Variants in R3HDM2 observed in about 807,000 individuals in gnomAD.
The protein encoded by R3HDM2 is R3H domain containing 2, also known as R3H domain-containing protein 2.
R3HDM2 carries 38 observed loss-of-function variants against 124.5 expected under a neutral mutation model. The ratio of observed to expected loss-of-function variants is 0.31; its 90% CI spans 0.24 to 0.40. R3HDM2 has a LOEUF of 0.40. Among genes scored for constraint, R3HDM2 ranks in the 10% least tolerant of loss-of-function variants. The pLI, the probability that R3HDM2 is intolerant of heterozygous loss-of-function variation, is 1.00. For missense variants in R3HDM2, 869 were observed against 1,236.9 expected (o/e 0.70, Z 4.46); for synonymous variants, 391 against 448.0 (o/e 0.87, Z 1.61).
Position 57,296,453 on chromosome 12 carries a change from G to C in R3HDM2, c.659C>G (p.Thr220Ser), listed in dbSNP as rs1435979562. The C allele has an allele frequency of 6.4e-7, 1 of 1,552,248 alleles. No individual in the cohort carries two copies. ...YFGMDHNVDQ[T>S]GKAVIINKTS... ...TTTGTTGATGATGACAGCTTTCCCA[G>C]TTTGATCAACATTGTGGTCCATCCC... The change falls in exon 9 of 24, where the codon ACT (threonine) becomes AGT (serine). Residue 220 changes from threonine (T) to serine (S), a missense_variant. Coordinates refer to ENST00000402412, the MANE Select transcript of R3HDM2 (RefSeq NM_001394031.1). The surrounding 1 kb of genome is among the most constrained non-coding windows in gnomAD (Gnocchi z 4.5).
chr12:57,255,417 C>A (rs921916603), intron 23 of R3HDM2, among the ~76,000 whole-genome samples: 1 of 152,214 alleles, frequency 6.6e-6, no homozygotes, highest in Non-Finnish European at 1.5e-5. Flanking sequence ...CAAGGTGCTA[C>A]TGCTATGAAG....
intron 1 of R3HDM2, among the ~76,000 whole-genome samples, chr12:57,421,448 CTCTTTT>C (rs2070188893): frequency 7.6e-6 from 1 of 131,580 alleles, no homozygotes; most frequent in Non-Finnish European, 1.6e-5. Flanking sequence ...CCACACCCAG[CTCTTTT>C]TTTTTTTTTT....
chr12:57,423,742 G>C (rs1306952907), intron 1 of R3HDM2, among the ~76,000 whole-genome samples: 1 of 145,896 alleles, frequency 6.9e-6, no homozygotes, highest in Admixed American at 7.1e-5. Context: ...AGGAGACGGA[G>C]GTTGCAGTAA....
chr12:57,282,392 T>C (rs973604100), intron 13 of R3HDM2, among the ~76,000 whole-genome samples: 2 of 152,084 alleles, frequency 1.3e-5, no homozygotes, highest in Admixed American at 6.5e-5. Context: ...GAAGTTATGC[T>C]ATATTAAGTA....
At chr12:57,286,749 A>G (rs7963352) in intron 12 of R3HDM2, among the ~76,000 whole-genome samples, 36,110 of 151,948 alleles carry the variant, frequency 0.24, 4,639 homozygotes, top group South Asian at 0.43. Context: ...GTGGTGGTGC[A>G]TGCCTGTAAT....
intron 2 of R3HDM2, among the ~76,000 whole-genome samples, chr12:57,366,247 T>G (rs2062640404): frequency 6.6e-6 from 1 of 152,004 alleles, no homozygotes; most frequent in Non-Finnish European, 1.5e-5. Context: ...CTTGAATTCC[T>G]GGGCTCAAGT....
chr12:57,408,139 C>T (rs2139207010), intron 1 of R3HDM2, among the ~76,000 whole-genome samples: 1 of 152,312 alleles, frequency 6.6e-6, no homozygotes, highest in African/African-American at 2.4e-5. Flanking sequence ...CCATGTTGGT[C>T]AGGCTGATCT....
rs567220966 is a variant in R3HDM2 at position 57,254,203 on chromosome 12, G to T, written c.*570C>A. On this transcript the variant is annotated 3_prime_UTR_variant, in exon 24 of 24. Transcript: ENST00000402412. ...GATAGGAGAAGAGATTTAAAAAAAT[G>T]ATAGAAGAGGATGGAAGCCAGGCAC... 2.2e-6 allele frequency: 1 copy of T among 455,874 alleles called. No individual in the cohort carries two copies. The highest frequency in any genetic ancestry group is 4.4e-6 in the Non-Finnish European group (1 of 226,718). The allele number at this position is 455,874 out of a possible 1,614,324, so 28.2% of individuals were successfully genotyped here.
In R3HDM2 at chr12:57,299,494, G is replaced by A. The variant is rs1052418507; in HGVS notation, c.295-16C>T. The A allele has an allele frequency of 1.9e-5, 30 of 1,542,504 alleles. No individual in the cohort carries two copies. The highest frequency in any genetic ancestry group is 5.9e-5 in the Admixed American group (3 of 50,686). On this transcript the variant is annotated splice_polypyrimidine_tract_variant and intron_variant, in intron 5 of 23. Coordinates refer to ENST00000402412, the MANE Select transcript of R3HDM2 (RefSeq NM_001394031.1). The stretch of plus-strand genomic sequence containing the variant: ...GAATTATATCCTTAAGGGGAAAAAG[G>A]ATAATCAAAGGGGGAAAAAGATTTT...
chr12:57,319,141 G>T (rs2055822736), intron 2 of R3HDM2, among the ~76,000 whole-genome samples: 1 of 152,068 alleles, frequency 6.6e-6, no homozygotes, highest in Admixed American at 6.6e-5. Flanking sequence ...TGCCCAGGCT[G>T]GAGTGCAAGC....
At chr12:57,405,452 A>G (rs908169140) in intron 1 of R3HDM2, among the ~76,000 whole-genome samples, 1 of 152,060 alleles carries the variant, frequency 6.6e-6, no homozygotes, top group African/African-American at 2.4e-5. Flanking sequence ...TGGGCAACAT[A>G]GTGAGACCTT....
At chr12:57,325,199 G>C (rs1380239580) in intron 2 of R3HDM2, among the ~76,000 whole-genome samples, 1 of 152,198 alleles carries the variant, frequency 6.6e-6, no homozygotes, top group Admixed American at 6.5e-5. Context: ...CTAGAGTGCA[G>C]TGGCACGATC....
chr12:57,408,770 G>A (rs2068752140), intron 1 of R3HDM2, among the ~76,000 whole-genome samples: 1 of 151,314 alleles, frequency 6.6e-6, no homozygotes, highest in African/African-American at 2.4e-5. Flanking sequence ...TGATCCATGA[G>A]AGTTCCACCC....
intron 2 of R3HDM2, among the ~76,000 whole-genome samples, chr12:57,334,253 A>G (rs2058582649): frequency 6.6e-6 from 1 of 152,194 alleles, no homozygotes; most frequent in Admixed American, 6.5e-5. Context: ...TTTAACAGCA[A>G]ATTTAAAAAA....
chr12:57,271,943 G>C (rs1390336880), intron 14 of R3HDM2, among the ~76,000 whole-genome samples: 1 of 151,300 alleles, frequency 6.6e-6, no homozygotes, highest in African/African-American at 2.4e-5. Flanking sequence ...CCAGGCTGGA[G>C]TGCAGTGGTG....
At chr12:57,353,507 C>T (rs2060899180) in intron 2 of R3HDM2, among the ~76,000 whole-genome samples, 1 of 152,152 alleles carries the variant, frequency 6.6e-6, no homozygotes, top group African/African-American at 2.4e-5. Context: ...TTGAGTTATA[C>T]ACCATTGAAT....
intron 1 of R3HDM2, among the ~76,000 whole-genome samples, chr12:57,408,464 T>C (rs1416450224): frequency 6.6e-6 from 1 of 152,152 alleles, no homozygotes; most frequent in Non-Finnish European, 1.5e-5. Flanking sequence ...GGCTTGGTGG[T>C]TCCTGCCTGT....
chr12:57,256,369 G>C, intron 22 of R3HDM2, 45 bp downstream of exon 22: 1 of 1,436,032 alleles, frequency 7.0e-7, no homozygotes, highest in Non-Finnish European at 9.5e-7. Context: ...ACCCAAATAA[G>C]AAGAGGGGTC....
At chr12:57,422,869 A>G (rs2070343237) in intron 1 of R3HDM2, among the ~76,000 whole-genome samples, 1 of 152,184 alleles carries the variant, frequency 6.6e-6, no homozygotes, top group Admixed American at 6.6e-5. Flanking sequence ...CTGTAGTCCC[A>G]GCTACTTGGG....
Sources: allele counts gnomAD v4.1 joint callset (sites outside exome capture counted in the v4.1 genomes callset), GRCh38; gene constraint gnomAD v4.1.1; non-coding constraint Gnocchi (gnomAD v3.1); transcripts MANE v1.5; gene names NCBI Gene and HGNC (gene_info 2026-07-23, HGNC 2026-07-21).